The following MAIP1 variants were observed in gnomAD, a reference collection of about 807,000 sequenced individuals.
MAIP1 encodes m-AAA protease-interacting protein 1, mitochondrial.
MAIP1 carries 28 observed loss-of-function variants against 31.2 expected under a neutral mutation model. The observed-to-expected ratio is 0.90, with a 90% CI of 0.67 to 1.23. The LOEUF is 1.23. MAIP1 is among the 50% of genes most tolerant of loss of function. MAIP1 has a pLI of 0.00. For missense variants in MAIP1, 339 were observed against 356.0 expected (o/e 0.95, Z 0.38); for synonymous variants, 142 against 142.3 (o/e 1.00, Z 0.02).
chr2:199,955,519 A>G (rs772548878), upstream of MAIP1: 18 of 1,590,774 alleles, frequency 1.1e-5, no homozygotes, highest in Non-Finnish European at 1.5e-5. Flanking sequence ...TCGGCTCTAA[A>G]GCGTTCCTCA....
Position 199,956,211 on chromosome 2 carries a change from A to G in MAIP1, c.413A>G (p.Glu138Gly), listed in dbSNP as rs1278497547. The G allele has an allele frequency of 1.2e-6, 2 of 1,613,778 alleles. No individual in the cohort carries two copies. The highest frequency in any genetic ancestry group is 2.2e-5 in the East Asian group (1 of 44,892). The change falls in exon 1 of 5, where the codon GAG becomes GGG. Residue 138 changes from glutamate (E) to glycine (G), a missense_variant. Physicochemically the swap from Glu to Gly is moderately conservative, Grantham distance 98 (BLOSUM62 -2). Coordinates refer to ENST00000392290, the MANE Select transcript of MAIP1 (RefSeq NM_001394955.1). ...AFLIWAYFDK[E>G]FSITEFSEGA... ...CTTATCTGGGCCTATTTCGACAAAGAGTTCAGCATCACAGAGTTCTCCGAG... is the reference window on the plus strand; with the variant it reads ...CTTATCTGGGCCTATTTCGACAAAGGGTTCAGCATCACAGAGTTCTCCGAG...
At chr2:199,956,798 A>G (rs901624870) in intron 1 of MAIP1, among the ~76,000 whole-genome samples, 11 of 152,180 alleles carry the variant, frequency 7.2e-5, no homozygotes, top group Non-Finnish European at 1.6e-4. Flanking sequence ...ACACCACCCC[A>G]TACTCCGTAA....
chr2:199,960,062 T>C (rs2077628215), intron 3 of MAIP1, among the ~76,000 whole-genome samples, 182 bp downstream of exon 3: 1 of 152,220 alleles, frequency 6.6e-6, no homozygotes, highest in Non-Finnish European at 1.5e-5. Context: ...CATCATTTCT[T>C]AAGCCTTTCT....
At position 199,963,800 on chromosome 2, in the gene MAIP1, T is replaced by C. The variant is rs760680729; in HGVS notation, c.865T>C (p.Leu289=). The C allele has an allele frequency of 6.2e-7, 1 of 1,604,730 alleles. No individual in the cohort carries two copies. The highest frequency in any genetic ancestry group is 8.5e-7 in the Non-Finnish European group (1 of 1,172,546). The change falls in exon 5 of 5, where the codon TTA becomes CTA. Residue 289 remains leucine (L), a synonymous_variant. Transcript: ENST00000392290. ...WTIARIEHSK[L]LE ...CATTGCACGGATTGAACACTCAAAA[T>C]TATTAGAATAATTTTCTTGGAAAAA... is the stretch of plus-strand genomic sequence containing the variant.
upstream of MAIP1, chr2:199,955,520 G>C (rs773651291): frequency 3.8e-6 from 6 of 1,590,726 alleles, no homozygotes; most frequent in Admixed American, 8.7e-5. Context: ...CGGCTCTAAA[G>C]CGTTCCTCAG....
chr2:199,960,707 A>T (rs1485661225), intron 3 of MAIP1, among the ~76,000 whole-genome samples: 1 of 152,142 alleles, frequency 6.6e-6, no homozygotes. Flanking sequence ...TATATAAAGG[A>T]CTTGAGCATC....
rs1292136526 is a variant in MAIP1 at position 199,955,930 on chromosome 2, C to CA, written c.132_133insA (p.Cys45MetfsTer15). 6.2e-7 allele frequency: 1 copy of CA among 1,601,110 alleles called. No homozygotes were observed. Among genetic ancestry groups the CA allele is most frequent in the East Asian group, 2.2e-5 (1 of 44,632 alleles). On this transcript the variant is annotated frameshift_variant, in exon 1 of 5. Transcript: ENST00000392290. LOFTEE classifies it high-confidence loss of function. Reference sequence around the variant, plus strand: ...CGGCCACACTTTGCTACTTCTGCCGCTGTCGCCTCGGCTTGGGAGCGGCGT... The same window carrying CA: ...CGGCCACACTTTGCTACTTCTGCCGCATGTCGCCTCGGCTTGGGAGCGGCGT...
chr2:199,959,672 T>C (rs2077625786), intron 2 of MAIP1, 82 bp from the exon 3 acceptor site: 2 of 1,227,622 alleles, frequency 1.6e-6, no homozygotes, highest in Admixed American at 2.2e-5. Flanking sequence ...TTTGGAAAAA[T>C]GTATTCCATG....
intron 1 of MAIP1, among the ~76,000 whole-genome samples, chr2:199,958,652 C>G (rs529089063): frequency 4.2e-4 from 64 of 152,316 alleles, no homozygotes; most frequent in African/African-American, 1.5e-3. Flanking sequence ...ACTGAAAGTT[C>G]CCTGAAGACA....
In MAIP1 at chr2:199,955,616, G is replaced by A. The variant is rs2105721131; in HGVS notation, c.-183G>A. The A allele has an allele frequency of 8.2e-7, 1 of 1,213,178 alleles. No individual in the cohort carries two copies. The highest frequency in any genetic ancestry group is 1.1e-6 in the Non-Finnish European group (1 of 884,010). 75.2% of individuals were successfully genotyped at this position (1,213,178 alleles called of 1,614,324 possible). A position where few individuals can be genotyped will look rare whatever the true frequency, so the allele number is the denominator to read the frequency against. ...AGTGGCTGGGTCCGAGCGCGGGGCG[G>A]GTTGCCGAAGGGCCTCGGCCTGGGC... On this transcript the variant is annotated 5_prime_UTR_variant, in exon 1 of 5. Coordinates refer to ENST00000392290, the MANE Select transcript of MAIP1 (RefSeq NM_001394955.1).
chr2:199,963,462 A>T (rs2077646721), intron 4 of MAIP1, among the ~76,000 whole-genome samples: 1 of 152,188 alleles, frequency 6.6e-6, no homozygotes, highest in Non-Finnish European at 1.5e-5. Flanking sequence ...TAACACATAT[A>T]TCCAAGTTTC....
Position 199,955,815 on chromosome 2 carries a change from G to A in MAIP1, c.17G>A (p.Arg6His). 2 of 1,516,150 alleles carry A rather than the reference G, an allele frequency of 1.3e-6. No homozygotes were observed. The highest frequency in any genetic ancestry group is 8.8e-7 in the Non-Finnish European group (1 of 1,133,782). The allele number at this position is 1,516,150 out of a possible 1,614,324, so 93.9% of individuals were successfully genotyped here. A position where few individuals can be genotyped will look rare whatever the true frequency, so the allele number is the denominator to read the frequency against. MALAA[R>H]LLPQFLHSRS... ...GTCATAAAAATGGCGCTGGCCGCTCGTTTGCTACCCCAGTTCCTGCACTCT... is the reference window on the plus strand; with the variant it reads ...GTCATAAAAATGGCGCTGGCCGCTCATTTGCTACCCCAGTTCCTGCACTCT... The change falls in exon 1 of 5, where the codon CGT (arginine) becomes CAT (histidine). Residue 6 changes from arginine to histidine, a missense_variant. Coordinates refer to ENST00000392290, the MANE Select transcript of MAIP1 (RefSeq NM_001394955.1).
chr2:199,959,585 T>C (rs991872200), intron 2 of MAIP1, among the ~76,000 whole-genome samples, 169 bp from the exon 3 acceptor site: 17 of 152,228 alleles, frequency 1.1e-4, no homozygotes, highest in African/African-American at 2.7e-4. Flanking sequence ...TGTTAGGAAT[T>C]ACCTACTTGA....
At chr2:199,960,923 T>G (rs745725680) in intron 3 of MAIP1, among the ~76,000 whole-genome samples, 31 of 152,196 alleles carry the variant, frequency 2.0e-4, no homozygotes, top group Non-Finnish European at 4.0e-4. Context: ...AAAGATATTT[T>G]TAGTGATAAA....
intron 1 of MAIP1, 114 bp downstream of exon 1, chr2:199,956,362 G>T: frequency 1.2e-6 from 1 of 866,632 alleles, no homozygotes; most frequent in Admixed American, 2.2e-5. Context: ...AACGTGATTA[G>T]TGGCCCAGAC....
Position 199,959,765 on chromosome 2 carries a change from A to T in MAIP1, c.534A>T (p.Ala178=). The change falls in exon 3 of 5, where the codon GCA becomes GCT. Residue 178 remains alanine (A), a synonymous_variant. Coordinates refer to ENST00000392290, the MANE Select transcript of MAIP1 (RefSeq NM_001394955.1). ...EELVAKEVLH[A]LKEKVTSLPD... is the part of the protein sequence containing the mutation. Reference sequence around the variant, plus strand: ...TTTTTCAAACTTAGGTGCTACATGCATTGAAAGAAAAGGTTACTTCACTAC... The same window carrying T: ...TTTTTCAAACTTAGGTGCTACATGCTTTGAAAGAAAAGGTTACTTCACTAC... The T allele has an allele frequency of 1.2e-6, 2 of 1,612,168 alleles. No individual in the cohort carries two copies. Among genetic ancestry groups the T allele is most frequent in the Non-Finnish European group, 1.7e-6 (2 of 1,179,360 alleles).
At position 199,959,845 on chromosome 2, in the gene MAIP1, C is replaced by T; in HGVS notation, c.614C>T (p.Ser205Leu). 1 of 1,611,788 alleles carries T rather than the reference C, an allele frequency of 6.2e-7. No homozygotes were observed. The highest frequency in any genetic ancestry group is 8.5e-7 in the Non-Finnish European group (1 of 1,178,580). Residue 205 changes from serine (S) to leucine (L), a missense_variant, in exon 3 of 5, where the codon TCA (serine) becomes TTA (leucine). Coordinates refer to ENST00000392290, the MANE Select transcript of MAIP1 (RefSeq NM_001394955.1). ...AACATAGATGAAATTGTATTTACAT[C>T]AACAGGAGACATCTCCATTTACTAT... ...AANIDEIVFT[S>L]TGDISIYYDE...
At chr2:199,957,010 A>C (rs1478550168) in intron 1 of MAIP1, among the ~76,000 whole-genome samples, 1 of 144,890 alleles carries the variant, frequency 6.9e-6, no homozygotes, top group Non-Finnish European at 1.5e-5. Flanking sequence ...TTGGGTCCTG[A>C]GATTATTTGT....
At chr2:199,958,543 T>C (rs72928259) in intron 1 of MAIP1, among the ~76,000 whole-genome samples, 45 of 152,294 alleles carry the variant, frequency 3.0e-4, no homozygotes, top group Non-Finnish European at 4.3e-4. Context: ...TCCTCCCAGA[T>C]TGGGTTAGAA....
Sources: gnomAD v4.1 joint callset for allele counts (sites outside exome capture counted in the v4.1 genomes callset) on GRCh38, gnomAD v4.1.1 for gene constraint, MANE v1.5 for transcripts, NCBI Gene and HGNC (gene_info 2026-07-23, HGNC 2026-07-21) for gene names.